The following RPS6KA2 variants were observed in gnomAD, a reference collection of about 807,000 sequenced individuals.
RPS6KA2 encodes the protein ribosomal protein S6 kinase A2, also known as ribosomal protein S6 kinase alpha-2.
In RPS6KA2, 42 loss-of-function variants were observed where a neutral mutation model predicts 91.8. That is an observed-to-expected ratio of 0.46 (90% CI 0.36 to 0.59). The LOEUF (loss-of-function observed/expected upper bound fraction) is 0.59, where lower values mean the gene tolerates loss of function less well. RPS6KA2 is among the 20% of genes least tolerant of loss of function. The probability of loss-of-function intolerance (pLI) is 0.00; values close to 1 mark genes in which losing one functional copy is unlikely to be tolerated. For missense variants in RPS6KA2, 798 were observed against 978.5 expected (o/e 0.82, Z 2.46); for synonymous variants, 414 against 393.6 (o/e 1.05, Z -0.61).
chr6:166,768,747 G>A lies in RPS6KA2; in HGVS notation c.123+89453C>T, dbSNP rs112588620. ...GACTTCTGGGCTGCTCCCGGGTGAC[G>A]CTGTGTGAGATCTGATTTGCTTTTT... On this transcript the variant is annotated intron_variant, in intron 2 of 21. Transcript: ENST00000503859. 8.4e-3 allele frequency among the ~76,000 whole-genome samples: 1,279 copies of A among 152,246 alleles called. 21 individuals are homozygous for A. The highest frequency in any genetic ancestry group is 0.03 in the African/African-American group (1,228 of 41,520).
chr6:166,699,586 T>C (rs538814084), intron 2 of RPS6KA2, among the ~76,000 whole-genome samples: 1 of 152,208 alleles, frequency 6.6e-6, no homozygotes, highest in South Asian at 2.1e-4. Context: ...GTGATCATCT[T>C]ACCAACAAAA....
chr6:166,751,372 A>G (rs895103873), intron 2 of RPS6KA2, among the ~76,000 whole-genome samples: 5 of 152,208 alleles, frequency 3.3e-5, no homozygotes, highest in Non-Finnish European at 5.9e-5. Context: ...CAGTCACAGG[A>G]GGGCTTCCCC....
intron 2 of RPS6KA2, among the ~76,000 whole-genome samples, chr6:166,703,972 G>A (rs1789606854): frequency 6.6e-6 from 1 of 152,146 alleles, no homozygotes; most frequent in Non-Finnish European, 1.5e-5. Context: ...AATTCTTCCA[G>A]CTGCTGTCTT....
intron 2 of RPS6KA2, among the ~76,000 whole-genome samples, chr6:166,674,231 G>A (rs1788558431): frequency 6.6e-6 from 1 of 152,248 alleles, no homozygotes; most frequent in Non-Finnish European, 1.5e-5. Context: ...CATTCAGGAA[G>A]TTATTTGTGG....
At chr6:166,532,720 T>A (rs1783327655) in intron 2 of RPS6KA2, among the ~76,000 whole-genome samples, 1 of 151,986 alleles carries the variant, frequency 6.6e-6, no homozygotes. Flanking sequence ...CCCGATTAGG[T>A]CCCAAGAAGT....
At chr6:166,790,632 A>G (rs1376356659) in intron 2 of RPS6KA2, among the ~76,000 whole-genome samples, 3 of 152,220 alleles carry the variant, frequency 2.0e-5, no homozygotes, top group African/African-American at 4.8e-5. Flanking sequence ...GGTTACCCAC[A>G]AAGGGAAGCC....
At chr6:166,440,731 C>G (rs1166782760) in intron 14 of RPS6KA2, among the ~76,000 whole-genome samples, 1 of 152,216 alleles carries the variant, frequency 6.6e-6, no homozygotes, top group Non-Finnish European at 1.5e-5. Flanking sequence ...CTACTAAAAA[C>G]AGAATGCTAT....
intron 2 of RPS6KA2, among the ~76,000 whole-genome samples, chr6:166,754,298 GT>G (rs1446831989): frequency 6.6e-6 from 1 of 152,214 alleles, no homozygotes; most frequent in Non-Finnish European, 1.5e-5. Context: ...CGAAAAGAGA[GT>G]TTGTTACTCA....
At chr6:166,708,026 G>A (rs956711882) in intron 2 of RPS6KA2, among the ~76,000 whole-genome samples, 2 of 152,172 alleles carry the variant, frequency 1.3e-5, no homozygotes, top group Non-Finnish European at 2.9e-5. Flanking sequence ...TTACAGGCAT[G>A]AGCCACCACA....
chr6:166,453,944 C>T (rs1394514243), intron 12 of RPS6KA2, among the ~76,000 whole-genome samples: 1 of 152,192 alleles, frequency 6.6e-6, no homozygotes, highest in Non-Finnish European at 1.5e-5. Flanking sequence ...TGAAACAACT[C>T]ACACGTGGAA....
chr6:166,413,678 C>T, intron 20 of RPS6KA2, 116 bp downstream of exon 20: 1 of 1,088,284 alleles, frequency 9.2e-7, no homozygotes, highest in Non-Finnish European at 1.3e-6. Flanking sequence ...CAGTTTGGGG[C>T]TGCTATGGGC....
chr6:166,573,101 G>A (rs573306224), intron 1 of RPS6KA2, among the ~76,000 whole-genome samples: 19 of 152,352 alleles, frequency 1.2e-4, no homozygotes, highest in Non-Finnish European at 4.4e-5. Flanking sequence ...TGACAGGAGG[G>A]ATGGCCCGGT....
At chr6:166,846,587 A>G (rs1780611788) in intron 2 of RPS6KA2, among the ~76,000 whole-genome samples, 1 of 152,242 alleles carries the variant, frequency 6.6e-6, no homozygotes, top group Non-Finnish European at 1.5e-5. Context: ...TATAGCACAT[A>G]AACAGAATTA....
Position 166,627,224 on chromosome 6 carries a change from C to A in RPS6KA2, c.-205G>T. 9.7e-7 allele frequency: 1 copy of A among 1,027,386 alleles called. No homozygotes were observed. Among genetic ancestry groups the A allele is most frequent in the Non-Finnish European group, 1.2e-6 (1 of 858,360 alleles). The allele number at this position is 1,027,386 out of a possible 1,614,324, so 63.6% of individuals were successfully genotyped here. A position where few individuals can be genotyped will look rare whatever the true frequency, so the allele number is the denominator to read the frequency against. The stretch of plus-strand genomic sequence containing the variant: ...CGGCCGGGGCCACAATCGCTCCCTC[C>A]GCCTCCTTCTCCGCCTCCCCTGCGA... On this transcript the variant is annotated 5_prime_UTR_variant, in exon 1 of 21. Coordinates refer to ENST00000265678, the MANE Select transcript of RPS6KA2 (RefSeq NM_021135.6).
rs1195326963 is a variant in RPS6KA2, at chr6:166,413,817, G to A, written c.2053C>T (p.Arg685Ter). The change falls in exon 20 of 21, where the codon CGA (arginine) becomes TGA (stop). Residue 685 changes from arginine (R) to a stop codon, truncating the protein, a stop_gained. Coordinates refer to ENST00000265678, the MANE Select transcript of RPS6KA2 (RefSeq NM_021135.6). LOFTEE classifies it low-confidence loss of function (END_TRUNC). The stretch of plus-strand genomic sequence containing the variant: ...ACCTTCACCAGGTGCACGTCCTGTC[G>A]GCTGAGCTGGTTTGGGGACAGGTAC... The part of the protein sequence containing the change: ...REYLSPNQLS[R>*]QDVHLVKGAM... The A allele has an allele frequency of 1.2e-6, 2 of 1,614,164 alleles. No homozygotes were observed. The highest frequency in any genetic ancestry group is 8.5e-7 in the Non-Finnish European group (1 of 1,180,018).
intron 2 of RPS6KA2, among the ~76,000 whole-genome samples, chr6:166,831,806 A>G (rs532815096): frequency 6.6e-6 from 1 of 151,490 alleles, no homozygotes; most frequent in Non-Finnish European, 1.5e-5. Flanking sequence ...TAGATGATAG[A>G]TAGATAGATG....
chr6:166,589,067 A>T (rs1041253896), intron 1 of RPS6KA2, among the ~76,000 whole-genome samples: 10 of 152,216 alleles, frequency 6.6e-5, no homozygotes, highest in African/African-American at 2.2e-4. Flanking sequence ...TGAAATTAGT[A>T]ACATTGGGGT....
chr6:166,692,054 G>T (rs1295248106), intron 2 of RPS6KA2, among the ~76,000 whole-genome samples: 1 of 152,106 alleles, frequency 6.6e-6, no homozygotes, highest in African/African-American at 2.4e-5. Flanking sequence ...TGTGTTGGGG[G>T]AAAGAACTGC....
At chr6:166,803,270 G>A (rs980261342) in intron 2 of RPS6KA2, among the ~76,000 whole-genome samples, 7 of 152,164 alleles carry the variant, frequency 4.6e-5, no homozygotes, top group Non-Finnish European at 7.3e-5. Context: ...ACCTGAACAG[G>A]TTTGTAATTG....
Sources: gnomAD v4.1 joint callset for allele counts (sites outside exome capture counted in the v4.1 genomes callset) on GRCh38, gnomAD v4.1.1 for gene constraint, MANE v1.5 for transcripts, NCBI Gene and HGNC (gene_info 2026-07-23, HGNC 2026-07-21) for gene names.